Variants in DUSP18 observed in about 807,000 individuals in gnomAD.
DUSP18 encodes dual specificity phosphatase 18, also known as dual specificity protein phosphatase 18.
DUSP18 carries 4 observed loss-of-function variants against 6.3 expected under a neutral mutation model. That is an observed-to-expected ratio of 0.63 (90% CI 0.31 to 1.45). DUSP18 has a LOEUF of 1.45. DUSP18 is among the 40% of genes most tolerant of loss of function. The pLI, the probability that DUSP18 is intolerant of heterozygous loss-of-function variation, is 0.07. For missense variants in DUSP18, 235 were observed against 247.7 expected (o/e 0.95, Z 0.34); for synonymous variants, 96 against 95.1 (o/e 1.01, Z -0.05).
At chr22:30,653,229 G>A (rs1272176374) in intron 2 of DUSP18, among the ~76,000 whole-genome samples, 5 of 152,122 alleles carry the variant, frequency 3.3e-5, no homozygotes, top group South Asian at 4.2e-4. Context: ...ATGTTCTGAC[G>A]TTTCCAAGCC....
At chr22:30,654,585 C>T in intron 2 of DUSP18, 1 of 459,956 alleles carries the variant, frequency 2.2e-6, no homozygotes, top group South Asian at 1.6e-5. Flanking sequence ...CGGCTGGGGA[C>T]CCGGAAGTGG....
At chr22:30,660,191 C>G (rs183903085), downstream of DUSP18, among the ~76,000 whole-genome samples, 29 of 152,298 alleles carry the variant, frequency 1.9e-4, no homozygotes, top group Non-Finnish European at 3.7e-4. Context: ...AAGCTTCTGA[C>G]CTATAGAAAT....
At chr22:30,657,777 A>C (rs180948105), downstream of DUSP18, among the ~76,000 whole-genome samples, 6 of 151,266 alleles carry the variant, frequency 4.0e-5, no homozygotes, top group African/African-American at 1.2e-4. Context: ...GGTGGCGGGC[A>C]CCTGTAGTCC....
In DUSP18 at chr22:30,663,455, A is replaced by G. The variant is rs2088540087; in HGVS notation, c.549T>C (p.Arg183=). 1 of 1,610,846 alleles carries G rather than the reference A, an allele frequency of 6.2e-7. No homozygotes were observed. Among genetic ancestry groups the G allele is most frequent in the African/African-American group, 1.3e-5 (1 of 74,866 alleles). The change falls in exon 2 of 2, where the codon CGT becomes CGC. Residue 183 remains arginine, a synonymous_variant. Coordinates refer to ENST00000334679, the MANE Select transcript of DUSP18 (RefSeq NM_152511.5). ...GGATGGCTCACAGTGGAATCATCAA[A>G]CGGACTTCCTTCTCATAGATGTCAG... The part of the protein sequence containing the change: ...MIPDIYEKEV[R]LMIPL
Position 30,663,903 on chromosome 22 carries a change from G to A in DUSP18, c.101C>T (p.Ala34Val), listed in dbSNP as rs1484174331. 1.2e-6 allele frequency: 2 copies of A among 1,614,206 alleles called. No homozygotes were observed. The highest frequency in any genetic ancestry group is 2.7e-5 in the African/African-American group (2 of 75,044). ...AGACAGCATGAGCTTGTTGTTGGCG[G>A]CCACACCATTGCTGATATACAGGCT... The part of the protein sequence containing the change: ...TKSLYISNGV[A>V]ANNKLMLSSN... The change falls in exon 2 of 2, where the codon GCC (alanine) becomes GTC (valine). Residue 34 changes from alanine to valine, a missense_variant. Ala to Val is a moderately conservative substitution (Grantham distance 64). Coordinates refer to ENST00000334679, the MANE Select transcript of DUSP18 (RefSeq NM_152511.5).
intron 1 of DUSP18, among the ~76,000 whole-genome samples, chr22:30,665,753 G>C (rs140451864): frequency 2.0e-4 from 30 of 152,290 alleles, no homozygotes; most frequent in African/African-American, 5.1e-4. Flanking sequence ...GGATATGATG[G>C]TGTCTGTCTT....
chr22:30,666,660 G>T (rs952419125), intron 1 of DUSP18: 4 of 138,740 alleles, frequency 2.9e-5, no homozygotes, highest in African/African-American at 1.1e-4. Flanking sequence ...ATCTCTATCA[G>T]GCACTGTATT....
downstream of DUSP18, among the ~76,000 whole-genome samples, chr22:30,661,245 A>G (rs1473599702): frequency 2.0e-5 from 3 of 152,180 alleles, no homozygotes; most frequent in Non-Finnish European, 4.4e-5. Flanking sequence ...CATGGATCTC[A>G]AATCCAAAAA....
downstream of DUSP18, among the ~76,000 whole-genome samples, chr22:30,660,316 T>TG (rs2088431921): frequency 6.6e-6 from 1 of 151,772 alleles, no homozygotes; most frequent in African/African-American, 2.4e-5. Flanking sequence ...AAAAAATTTT[T>TG]TTTTTGAAAC....
downstream of DUSP18, among the ~76,000 whole-genome samples, chr22:30,658,308 G>A (rs2088387254): frequency 6.6e-6 from 1 of 151,470 alleles, no homozygotes; most frequent in Non-Finnish European, 1.5e-5. Flanking sequence ...GGAGGCTGAG[G>A]CAGGAGGATC....
At chr22:30,656,334 G>A (rs540750402) in intron 2 of DUSP18, among the ~76,000 whole-genome samples, 2 of 152,208 alleles carry the variant, frequency 1.3e-5, no homozygotes, top group South Asian at 2.1e-4. Flanking sequence ...TGTGCTTCAA[G>A]GTCAAGAGCT....
chr22:30,653,394 C>A (rs2088264952), intron 2 of DUSP18, among the ~76,000 whole-genome samples: 1 of 148,464 alleles, frequency 6.7e-6, no homozygotes, highest in Admixed American at 6.7e-5. Flanking sequence ...TTTTTTGAGA[C>A]AGAGTCTTGC....
intron 2 of DUSP18, among the ~76,000 whole-genome samples, chr22:30,654,992 G>C (rs1396866967): frequency 6.6e-6 from 1 of 152,150 alleles, no homozygotes; most frequent in Non-Finnish European, 1.5e-5. Context: ...AGAATAGAAA[G>C]AACCAAGACG....
chr22:30,665,856 C>T (rs2145624348), intron 1 of DUSP18, among the ~76,000 whole-genome samples: 1 of 151,354 alleles, frequency 6.6e-6, no homozygotes, highest in Non-Finnish European at 1.5e-5. Flanking sequence ...TGACTCCCAA[C>T]AGCTATGACT....
downstream of DUSP18, among the ~76,000 whole-genome samples, chr22:30,659,806 G>A (rs1226258729): frequency 6.6e-6 from 1 of 152,204 alleles, no homozygotes; most frequent in Non-Finnish European, 1.5e-5. Flanking sequence ...TTTTATGTTA[G>A]TGGGCTCATT....
intron 2 of DUSP18, among the ~76,000 whole-genome samples, chr22:30,655,657 A>G (rs746978336): frequency 1.2e-4 from 18 of 152,182 alleles, no homozygotes; most frequent in Non-Finnish European, 2.1e-4. Flanking sequence ...CAGCATAAAC[A>G]TGATGATGGA....
intron 2 of DUSP18, among the ~76,000 whole-genome samples, chr22:30,653,347 C>A (rs1454805156): frequency 1.3e-5 from 2 of 151,874 alleles, no homozygotes; most frequent in Non-Finnish European, 2.9e-5. Flanking sequence ...CCGACTGCCA[C>A]AACCCTCATG....
chr22:30,664,137 G>C, intron 1 of DUSP18, 57 bp from the exon 2 acceptor site: 2 of 778,702 alleles, frequency 2.6e-6, no homozygotes, highest in Non-Finnish European at 4.2e-6. Flanking sequence ...AATTCCAGGG[G>C]ATCCCTGGGA....
chr22:30,654,616 G>C, intron 2 of DUSP18: 1 of 465,802 alleles, frequency 2.1e-6, no homozygotes, highest in South Asian at 1.6e-5. Flanking sequence ...GAAGTGGTAG[G>C]TGCCTCGGGA....
Sources: allele counts gnomAD v4.1 joint callset (sites outside exome capture counted in the v4.1 genomes callset), GRCh38; gene constraint gnomAD v4.1.1; transcripts MANE v1.5; gene names NCBI Gene and HGNC (gene_info 2026-07-23, HGNC 2026-07-21).